Variants in SHISA6 observed in about 807,000 individuals in gnomAD.
The protein encoded by SHISA6 is protein shisa-6.
Under a neutral mutation model 47.9 loss-of-function variants are expected in SHISA6, and 22 were observed. That is an observed-to-expected ratio of 0.46 (90% CI 0.33 to 0.66). The LOEUF is 0.66. SHISA6 is among the 30% of genes least tolerant of loss of function. The probability of loss-of-function intolerance (pLI) is 0.02; values close to 1 mark genes in which losing one functional copy is unlikely to be tolerated. For synonymous variants in SHISA6, 388 were observed against 337.8 expected (o/e 1.15, Z -1.63); for missense variants, 680 against 764.6 (o/e 0.89, Z 1.30).
chr17:11,512,849 G>C (rs908823926), intron 3 of SHISA6, among the ~76,000 whole-genome samples: 5 of 151,938 alleles, frequency 3.3e-5, no homozygotes, highest in Admixed American at 3.3e-4. Flanking sequence ...AAGGCTGAGG[G>C]ATCGTCTATT....
intron 3 of SHISA6, among the ~76,000 whole-genome samples, chr17:11,438,292 A>G (rs1192870760): frequency 6.6e-6 from 1 of 152,316 alleles, no homozygotes; most frequent in East Asian, 1.9e-4. Context: ...ATGTTTAAAA[A>G]CCTAGAGTGC....
In SHISA6 at chr17:11,334,106, G is replaced by A. The variant is rs140812358; in HGVS notation, c.800-45308G>A. On this transcript the variant is annotated intron_variant, in intron 2 of 5. Coordinates refer to ENST00000441885, the MANE Select transcript of SHISA6 (RefSeq NM_207386.4). The stretch of plus-strand genomic sequence containing the variant: ...AGCCATTCCAGAAATTACTGAGCAT[G>A]AAGATGGGGGTCATGGAAATCCCCT... 7.0e-3 allele frequency among the ~76,000 whole-genome samples: 1,073 copies of A among 152,278 alleles called. 10 individuals carry two copies. Among genetic ancestry groups the A allele is most frequent in the Non-Finnish European group, 0.01 (697 of 68,022 alleles).
intron 3 of SHISA6, among the ~76,000 whole-genome samples, chr17:11,382,975 CACCTAAGGCTGGAGTG>C (rs202152166): frequency 0.012 from 1,809 of 145,374 alleles, 20 homozygotes; most frequent in Middle Eastern, 0.05. Context: ...CTCACTCTGC[CACCTAAGGCTGGAGTG>C]CAGTGGCACG....
intron 2 of SHISA6, among the ~76,000 whole-genome samples, chr17:11,302,077 G>A (rs1272401502): frequency 6.6e-6 from 1 of 152,174 alleles, no homozygotes; most frequent in Non-Finnish European, 1.5e-5. Context: ...GAATAGCACA[G>A]GAAAGACCGG....
intron 2 of SHISA6, among the ~76,000 whole-genome samples, chr17:11,378,145 T>C (rs1221579395): frequency 3.3e-5 from 5 of 152,238 alleles, no homozygotes; most frequent in African/African-American, 7.2e-5. Flanking sequence ...GTGTTGTCTT[T>C]GTATTTTCAT....
intron 2 of SHISA6, among the ~76,000 whole-genome samples, chr17:11,362,140 G>C (rs988446155): frequency 3.3e-5 from 5 of 152,054 alleles, no homozygotes; most frequent in African/African-American, 1.2e-4. Flanking sequence ...CCTGGGCCTA[G>C]TTTTTCTTTT....
chr17:11,429,990 A>C (rs1914706627), intron 3 of SHISA6, among the ~76,000 whole-genome samples: 1 of 152,164 alleles, frequency 6.6e-6, no homozygotes, highest in Non-Finnish European at 1.5e-5. Flanking sequence ...GAAGAAAGGG[A>C]ACTAACATTT....
intron 3 of SHISA6, among the ~76,000 whole-genome samples, chr17:11,483,060 G>C (rs1488920696): frequency 2.6e-5 from 4 of 152,130 alleles, no homozygotes; most frequent in African/African-American, 9.7e-5. Flanking sequence ...CTAGCACTTT[G>C]GGAGGCCGAG....
intron 3 of SHISA6, among the ~76,000 whole-genome samples, chr17:11,529,907 A>G (rs533218744): frequency 6.6e-6 from 1 of 152,228 alleles, no homozygotes; most frequent in South Asian, 2.1e-4. Flanking sequence ...TAGTTCCCCT[A>G]TCAAACATAG....
At chr17:11,481,316 C>T (rs1376619407) in intron 3 of SHISA6, among the ~76,000 whole-genome samples, 4 of 147,548 alleles carry the variant, frequency 2.7e-5, no homozygotes, top group African/African-American at 1.0e-4. Context: ...CAGAGCGAGA[C>T]ACCCTCTCAA....
intron 1 of SHISA6, among the ~76,000 whole-genome samples, chr17:11,253,736 C>A (rs890538145): frequency 6.6e-6 from 1 of 152,140 alleles, no homozygotes; most frequent in African/African-American, 2.4e-5. Flanking sequence ...TGTTTCTTTT[C>A]TTTTTCTATT....
intron 3 of SHISA6, among the ~76,000 whole-genome samples, chr17:11,386,754 A>G (rs1374559336): frequency 6.6e-6 from 1 of 152,202 alleles, no homozygotes; most frequent in Admixed American, 6.5e-5. Context: ...CACATATGAC[A>G]GATAGGCCAC....
intron 2 of SHISA6, among the ~76,000 whole-genome samples, chr17:11,268,489 T>A (rs923974596): frequency 6.6e-6 from 1 of 152,246 alleles, no homozygotes; most frequent in African/African-American, 2.4e-5. Context: ...ATTCTTGCAT[T>A]GAGATATTTC....
chr17:11,553,535 G>T (rs922632459), intron 4 of SHISA6, among the ~76,000 whole-genome samples: 1 of 152,146 alleles, frequency 6.6e-6, no homozygotes. Context: ...CCCTTGAGCA[G>T]CTCACAATGT....
intron 2 of SHISA6, among the ~76,000 whole-genome samples, chr17:11,322,941 G>A (rs533500770): frequency 6.6e-6 from 1 of 152,252 alleles, no homozygotes; most frequent in Admixed American, 6.5e-5. Context: ...GGTTCCCAAA[G>A]GTTTGAAGTT....
chr17:11,477,715 C>T (rs1455212662), intron 3 of SHISA6, among the ~76,000 whole-genome samples: 3 of 148,562 alleles, frequency 2.0e-5, no homozygotes, highest in Non-Finnish European at 4.4e-5. Context: ...TAATGATTTC[C>T]AGTTTCATCC....
intron 3 of SHISA6, among the ~76,000 whole-genome samples, chr17:11,471,986 G>A (rs1915944760): frequency 6.6e-6 from 1 of 151,928 alleles, no homozygotes; most frequent in Non-Finnish European, 1.5e-5. Context: ...GTTCACTTTT[G>A]GTGTTGTACA....
chr17:11,553,833 A>G (rs1037457914), intron 4 of SHISA6, among the ~76,000 whole-genome samples: 1 of 152,238 alleles, frequency 6.6e-6, no homozygotes, highest in East Asian at 1.9e-4. Context: ...ACTGACTAGA[A>G]GAGCAATACA....
chr17:11,362,427 C>CA (rs1336912636), intron 2 of SHISA6, among the ~76,000 whole-genome samples: 4 of 152,206 alleles, frequency 2.6e-5, no homozygotes, highest in African/African-American at 7.2e-5. Context: ...AGGCCTGAGT[C>CA]ACTGTGCCTG....
Sources: gnomAD v4.1 joint callset for allele counts (sites outside exome capture counted in the v4.1 genomes callset) on GRCh38, gnomAD v4.1.1 for gene constraint, MANE v1.5 for transcripts, NCBI Gene and HGNC (gene_info 2026-07-23, HGNC 2026-07-21) for gene names.